Variants in SASH1 observed in about 807,000 individuals in gnomAD.
SASH1 encodes SAM and SH3 domain-containing protein 1.
A neutral mutation model predicts 125.2 loss-of-function variants in SASH1; 44 were observed. The observed-to-expected ratio is 0.35, with a 90% CI of 0.28 to 0.45. The LOEUF is 0.45. Among genes scored for constraint, SASH1 ranks in the 20% least tolerant of loss-of-function variants. The pLI, the probability that SASH1 is intolerant of heterozygous loss-of-function variation, is 1.00. For missense variants in SASH1, 1,426 were observed against 1,614.5 expected (o/e 0.88, Z 2.00); for synonymous variants, 639 against 649.1 (o/e 0.98, Z 0.24).
At chr6:148,404,137 C>T (rs1784282846) in intron 2 of SASH1, among the ~76,000 whole-genome samples, 1 of 152,092 alleles carries the variant, frequency 6.6e-6, no homozygotes, top group Non-Finnish European at 1.5e-5. Flanking sequence ...GTGAGGCTTT[C>T]TTATTACACT....
chr6:148,540,129 CA>C (rs1213143961), intron 16 of SASH1, among the ~76,000 whole-genome samples: 8 of 152,150 alleles, frequency 5.3e-5, no homozygotes, highest in Non-Finnish European at 8.8e-5. Flanking sequence ...GCCCCACTGC[CA>C]AAACAACACT....
At chr6:148,251,985 T>C in the SASH1 span, among the ~76,000 whole-genome samples, 1 of 152,010 alleles carries the variant, frequency 6.6e-6, no homozygotes, top group Non-Finnish European at 1.5e-5. Flanking sequence ...GAAATGCACA[T>C]ATTTTCTTAC....
chr6:148,512,854 CT>C, intron 8 of SASH1: 1 of 985,204 alleles, frequency 1.0e-6, no homozygotes, highest in Non-Finnish European at 1.2e-6. Flanking sequence ...GTCCTGATGA[CT>C]TGCTGATGTT....
At chr6:148,346,852 T>G (rs532141698) in intron 1 of SASH1, among the ~76,000 whole-genome samples, 2 of 152,216 alleles carry the variant, frequency 1.3e-5, no homozygotes, top group Non-Finnish European at 2.9e-5. Flanking sequence ...ACCTTGGCGT[T>G]CTTGTGAAAT....
intron 1 of SASH1, among the ~76,000 whole-genome samples, chr6:148,382,284 A>G (rs377345368): frequency 6.6e-6 from 1 of 152,008 alleles, no homozygotes; most frequent in African/African-American, 2.4e-5. Flanking sequence ...GTCCTCGGCC[A>G]TGTGTGCAGG....
At chr6:148,223,092 C>T in the SASH1 span, among the ~76,000 whole-genome samples, 129 of 152,240 alleles carry the variant, frequency 8.5e-4, no homozygotes, top group South Asian at 0.018. Context: ...TGAGAACTCT[C>T]TTAAAAAAGA....
the SASH1 span, among the ~76,000 whole-genome samples, chr6:148,237,837 C>A: frequency 6.6e-6 from 1 of 152,292 alleles, no homozygotes; most frequent in Admixed American, 6.5e-5. Context: ...AATACCTGGC[C>A]CTCCATTTTC....
chr6:148,549,401 ATGTG>A lies in SASH1; in HGVS notation c.*848_*851del, dbSNP rs759515076. On this transcript the variant is annotated 3_prime_UTR_variant, in exon 20 of 20. Coordinates refer to ENST00000367467, the MANE Select transcript of SASH1 (RefSeq NM_015278.5). ...AAGCTATCTGAAATTCACAAATATC[ATGTG>A]TGTGCGTGCGTGCGTGCGCGTGTGT... is the stretch of plus-strand genomic sequence containing the variant. 2.9e-5 allele frequency: 11 copies of A among 385,918 alleles called. No individual in the cohort carries two copies. Among genetic ancestry groups the A allele is most frequent in the African/African-American group, 2.1e-4 (10 of 48,350 alleles). 23.9% of individuals were successfully genotyped at this position (385,918 alleles called of 1,614,324 possible).
chr6:148,531,169 T>G (rs1405661871), intron 12 of SASH1, among the ~76,000 whole-genome samples: 1 of 152,204 alleles, frequency 6.6e-6, no homozygotes, highest in African/African-American at 2.4e-5. Context: ...AATCATGGAT[T>G]GTACTTGATC....
At chr6:148,513,565 C>T in intron 8 of SASH1, 3 of 985,546 alleles carry the variant, frequency 3.0e-6, no homozygotes, top group Non-Finnish European at 2.4e-6. Flanking sequence ...TTTTCCCTCT[C>T]TCTGTAATGT....
chr6:148,307,108 C>CTCTG (rs1562316752), intron 1 of SASH1, among the ~76,000 whole-genome samples: 18 of 133,152 alleles, frequency 1.4e-4, no homozygotes, highest in African/African-American at 4.9e-4. Context: ...CTCTCTCTGT[C>CTCTG]TCTTTCTTTC....
the SASH1 span, among the ~76,000 whole-genome samples, chr6:148,259,379 G>A: frequency 6.6e-6 from 1 of 152,210 alleles, no homozygotes; most frequent in African/African-American, 2.4e-5. Context: ...CACGGCTGAA[G>A]AGAGAGGAAG....
At chr6:148,496,125 G>A (rs1185709380) in intron 8 of SASH1, among the ~76,000 whole-genome samples, 1 of 152,054 alleles carries the variant, frequency 6.6e-6, no homozygotes, top group Non-Finnish European at 1.5e-5. Context: ...TGGAATTATA[G>A]GCGTGTTTGA....
intron 7 of SASH1, among the ~76,000 whole-genome samples, chr6:148,477,123 A>G (rs1459404285): frequency 2.6e-5 from 4 of 152,202 alleles, no homozygotes; most frequent in Admixed American, 6.5e-5. Context: ...AAAGGAAAAC[A>G]TTGAGGAAAT....
intron 1 of SASH1, among the ~76,000 whole-genome samples, chr6:148,374,773 C>T (rs1048545184): frequency 6.6e-6 from 1 of 152,234 alleles, no homozygotes; most frequent in African/African-American, 2.4e-5. Flanking sequence ...TCTCAGCTCA[C>T]TGCAACCTCC....
chr6:148,487,065 CAAAT>C (rs1453856003), intron 7 of SASH1, among the ~76,000 whole-genome samples: 3 of 106,572 alleles, frequency 2.8e-5, no homozygotes, highest in African/African-American at 3.6e-5. Flanking sequence ...ATGTAAAAAA[CAAAT>C]ATATATATAT....
chr6:148,325,233 T>A (rs377597869), intron 1 of SASH1, among the ~76,000 whole-genome samples: 8 of 144,618 alleles, frequency 5.5e-5, no homozygotes, highest in South Asian at 2.3e-4. Context: ...GAATGAGAAG[T>A]GCAGAGTGAA....
At chr6:148,198,075 C>T in the SASH1 span, among the ~76,000 whole-genome samples, 10 of 152,212 alleles carry the variant, frequency 6.6e-5, no homozygotes, top group Admixed American at 1.3e-4. Context: ...GTCTCACACT[C>T]CTAACCTCAA....
chr6:148,414,859 G>T (rs1784761362), intron 2 of SASH1, among the ~76,000 whole-genome samples: 1 of 152,042 alleles, frequency 6.6e-6, no homozygotes, highest in Admixed American at 6.6e-5. Flanking sequence ...GGCCAGGCTG[G>T]TCTTGAACTC....
Sources: gnomAD v4.1 joint callset for allele counts (sites outside exome capture counted in the v4.1 genomes callset) on GRCh38, gnomAD v4.1.1 for gene constraint, MANE v1.5 for transcripts, NCBI Gene and HGNC (gene_info 2026-07-23, HGNC 2026-07-21) for gene names.